LHPP: variants seen among roughly 807,000 people sequenced by gnomAD.
The protein encoded by LHPP is hLHPP.
A neutral mutation model predicts 30.3 loss-of-function variants in LHPP; 24 were observed. The ratio of observed to expected loss-of-function variants is 0.79; its 90% CI spans 0.57 to 1.11. The LOEUF (loss-of-function observed/expected upper bound fraction) is 1.11. LHPP is among the 50% of genes most tolerant of loss of function. The probability of loss-of-function intolerance (pLI) is 0.00; values close to 1 mark genes in which losing one functional copy is unlikely to be tolerated. For synonymous variants in LHPP, 150 were observed against 157.1 expected, an observed-to-expected ratio of 0.95 and a Z score of 0.34; for missense variants, 356 against 367.2, an observed-to-expected ratio of 0.97 and a Z score of 0.25.
At chr10:124,567,822 C>T (rs923129075) in intron 6 of LHPP, among the ~76,000 whole-genome samples, 2 of 152,258 alleles carry the variant, frequency 1.3e-5, no homozygotes, top group African/African-American at 4.8e-5. Flanking sequence ...ACACTGTACC[C>T]ACGTGCACAC....
At chr10:124,550,706 A>G (rs1468096367) in intron 6 of LHPP, among the ~76,000 whole-genome samples, 1 of 151,962 alleles carries the variant, frequency 6.6e-6, no homozygotes, top group Non-Finnish European at 1.5e-5. Context: ...GGGAAGATAG[A>G]CTCACTTCCC....
chr10:124,479,068 CA>C (rs55880798), intron 1 of LHPP, among the ~76,000 whole-genome samples: 51,180 of 135,016 alleles, frequency 0.38, 9,963 homozygotes, highest in Non-Finnish European at 0.46. Context: ...GACTCTGTCT[CA>C]AAAAAAAAAA....
chr10:124,601,258 G>C (rs1949016663), intron 6 of LHPP, among the ~76,000 whole-genome samples: 1 of 152,222 alleles, frequency 6.6e-6, no homozygotes, highest in Admixed American at 6.5e-5. Flanking sequence ...TTTCAAGGAA[G>C]CAGCTGCCGC....
intron 2 of LHPP, among the ~76,000 whole-genome samples, chr10:124,487,880 G>A (rs1473614493): frequency 2.0e-5 from 3 of 152,182 alleles, no homozygotes; most frequent in Non-Finnish European, 2.9e-5. Context: ...TTAAAATGGG[G>A]GAAGACAAAG....
At chr10:124,554,802 T>A (rs1193205474) in intron 6 of LHPP, among the ~76,000 whole-genome samples, 1 of 152,246 alleles carries the variant, frequency 6.6e-6, no homozygotes, top group Non-Finnish European at 1.5e-5. Context: ...TTAGGGCCTT[T>A]CCAAAGACTT....
At chr10:124,553,080 T>TGG (rs1948205838) in intron 6 of LHPP, among the ~76,000 whole-genome samples, 1 of 152,254 alleles carries the variant, frequency 6.6e-6, no homozygotes, top group African/African-American at 2.4e-5. Flanking sequence ...GGGGGCCTTC[T>TGG]GGGGACCTCG....
intron 6 of LHPP, among the ~76,000 whole-genome samples, chr10:124,584,351 G>A (rs573023995): frequency 1.4e-5 from 2 of 146,302 alleles, no homozygotes; most frequent in East Asian, 2.0e-4. Context: ...GCAACAGAGC[G>A]AGACTCTGTC....
intron 3 of LHPP, 129 bp downstream of exon 3, chr10:124,488,704 C>T (rs1953417297): frequency 2.7e-6 from 2 of 745,260 alleles, no homozygotes; most frequent in Non-Finnish European, 2.2e-6. Context: ...TCTTCTTTTC[C>T]CTCCCTTTTT....
Position 124,541,351 on chromosome 10 carries a change from A to G in LHPP, c.716+24080A>G, listed in dbSNP as rs7903954. On this transcript the variant is annotated intron_variant, in intron 6 of 6. Coordinates refer to ENST00000368842, the MANE Select transcript of LHPP (RefSeq NM_022126.4). The surrounding 1 kb of genome is among the most constrained non-coding windows in gnomAD (Gnocchi z 4.2). ...GAGGGCTGCTTTGTGGCGGGCGTTC[A>G]TTGTGGAAAGAGCCCAGGAAGGAGC... is the stretch of plus-strand genomic sequence containing the variant. Among the ~76,000 whole-genome samples, 23,509 of 152,196 alleles carry G rather than the reference A, an allele frequency of 0.15. 2,871 individuals are homozygous for G. Among genetic ancestry groups the G allele is most frequent in the African/African-American group, 0.34 (14,001 of 41,490 alleles).
chr10:124,612,094 C>T (rs1949209620), intron 6 of LHPP, among the ~76,000 whole-genome samples: 1 of 152,112 alleles, frequency 6.6e-6, no homozygotes, highest in South Asian at 2.1e-4. Flanking sequence ...GTGCCACTTC[C>T]TCAAATGACT....
chr10:124,525,694 G>C (rs1328641657), intron 6 of LHPP, among the ~76,000 whole-genome samples: 1 of 152,238 alleles, frequency 6.6e-6, no homozygotes, highest in Non-Finnish European at 1.5e-5. Context: ...TTTGGTTGGG[G>C]CAGCATCAGC....
rs571463466 is a variant in LHPP at position 124,541,485 on chromosome 10, C to T, written c.716+24214C>T. Among the ~76,000 whole-genome samples, 18 of 152,170 alleles carry T rather than the reference C, an allele frequency of 1.2e-4. No homozygotes were observed. The highest frequency in any genetic ancestry group is 3.3e-4 in the Admixed American group (5 of 15,276). Reference sequence around the variant, plus strand: ...GCTAGCCCCAGACCTAACGGAGTTGCGGCTCATGGCCACCCTGAGGAATTC... The same window carrying T: ...GCTAGCCCCAGACCTAACGGAGTTGTGGCTCATGGCCACCCTGAGGAATTC... On this transcript the variant is annotated intron_variant, in intron 6 of 6. Transcript: ENST00000368842. This position sits in a 1 kb window ranked among gnomAD's most constrained non-coding sequence, Gnocchi z 4.2.
At chr10:124,566,571 G>C (rs1179090376) in intron 6 of LHPP, among the ~76,000 whole-genome samples, 2 of 152,202 alleles carry the variant, frequency 1.3e-5, no homozygotes, top group Non-Finnish European at 2.9e-5. Flanking sequence ...CACGGTGGAA[G>C]TATTTACACC....
At chr10:124,552,314 G>A (rs1421544924) in intron 6 of LHPP, among the ~76,000 whole-genome samples, 2 of 152,258 alleles carry the variant, frequency 1.3e-5, no homozygotes, top group East Asian at 3.9e-4. Context: ...CATCCCAGCT[G>A]TAAGTGGCAG....
chr10:124,592,138 C>A lies in LHPP; in HGVS notation c.717-21126C>A, dbSNP rs1410372913. On this transcript the variant is annotated intron_variant, in intron 6 of 6. Coordinates refer to ENST00000368842, the MANE Select transcript of LHPP (RefSeq NM_022126.4). This position sits in a 1 kb window ranked among gnomAD's most constrained non-coding sequence, Gnocchi z 6.2. ...TGGGATGGTAAACTGCAGTATAAAG[C>A]CCCATTTGCTGGCACAGTGTGGTCT... Among the ~76,000 whole-genome samples the A allele has an allele frequency of 1.3e-5, 2 of 152,174 alleles. No individual in the cohort carries two copies. Among genetic ancestry groups the A allele is most frequent in the African/African-American group, 2.4e-5 (1 of 41,436 alleles).
chr10:124,497,968 T>A (rs1953776355), intron 4 of LHPP, 68 bp from the exon 5 acceptor site: 2 of 1,269,790 alleles, frequency 1.6e-6, no homozygotes, highest in African/African-American at 2.9e-5. Context: ...GGGACAGTGT[T>A]TCCGTGGCTG....
chr10:124,495,088 T>C (rs72835600), intron 3 of LHPP, among the ~76,000 whole-genome samples: 247 of 152,348 alleles, frequency 1.6e-3, no homozygotes, highest in Middle Eastern at 3.4e-3. Context: ...TTTTAGGCCA[T>C]GTAAATGCAA....
At chr10:124,584,474 G>T (rs564920302) in intron 6 of LHPP, among the ~76,000 whole-genome samples, 2 of 152,108 alleles carry the variant, frequency 1.3e-5, no homozygotes, top group Non-Finnish European at 2.9e-5. Context: ...GTGCTACTCT[G>T]TGCTTTCAAG....
chr10:124,462,004 A>T lies in LHPP; in HGVS notation c.125+17A>T. On this transcript the variant is annotated intron_variant, in intron 1 of 6. Coordinates refer to ENST00000368842, the MANE Select transcript of LHPP (RefSeq NM_022126.4). ...GGTGGCCAGGTGAGTGGGCCCCGGGACGCCGCTGGGGCCGCCGAGCTCTAA... is the reference window on the plus strand; with the variant it reads ...GGTGGCCAGGTGAGTGGGCCCCGGGTCGCCGCTGGGGCCGCCGAGCTCTAA... The T allele has an allele frequency of 1.7e-6, 2 of 1,206,334 alleles. No individual in the cohort carries two copies. Among genetic ancestry groups the T allele is most frequent in the Non-Finnish European group, 2.1e-6 (2 of 970,404 alleles). The allele number at this position is 1,206,334 out of a possible 1,614,324, so 74.7% of individuals were successfully genotyped here.
Sources: allele counts gnomAD v4.1 joint callset (sites outside exome capture counted in the v4.1 genomes callset), GRCh38; gene constraint gnomAD v4.1.1; non-coding constraint Gnocchi (gnomAD v3.1); transcripts MANE v1.5; gene names NCBI Gene and HGNC (gene_info 2026-07-23, HGNC 2026-07-21).